Variants in SLC25A21 observed in about 807,000 individuals in gnomAD.
SLC25A21 encodes mitochondrial 2-oxodicarboxylate carrier.
Under a neutral mutation model 43.8 loss-of-function variants are expected in SLC25A21, and 47 were observed. That is an observed-to-expected ratio of 1.07 (90% confidence interval 0.85 to 1.37). SLC25A21 has a LOEUF of 1.37. SLC25A21 is among the 40% of genes most tolerant of loss of function. The pLI, the probability that SLC25A21 is intolerant of heterozygous loss-of-function variation, is 0.00. For missense variants in SLC25A21, 352 were observed against 350.2 expected (o/e 1.00, Z -0.04); for synonymous variants, 131 against 121.3 (o/e 1.08, Z -0.52).
rs371474920 is a variant in SLC25A21, at chr14:37,055,365, G to A, written c.70+116916C>T. Among the ~76,000 whole-genome samples the A allele has an allele frequency of 1.4e-4, 22 of 152,308 alleles. No individual in the cohort carries two copies. The East Asian group carries it at 3.9e-3, about 27-fold the overall frequency. ...AGAAATGTAAATGCTTTGTGGCAGA[G>A]GGCAGCCTGAAGTAGATCATATGTG... On this transcript the variant is annotated intron_variant, in intron 1 of 9. Transcript: ENST00000331299.
intron 1 of SLC25A21, among the ~76,000 whole-genome samples, chr14:37,111,111 T>C (rs189351639): frequency 6.6e-6 from 1 of 152,262 alleles, no homozygotes; most frequent in East Asian, 1.9e-4. Flanking sequence ...TCTTATAAAG[T>C]AAGAAAGGTT....
intron 1 of SLC25A21, among the ~76,000 whole-genome samples, chr14:37,122,837 T>C (rs1323926779): frequency 1.3e-5 from 2 of 152,174 alleles, no homozygotes; most frequent in African/African-American, 4.8e-5. Context: ...ACCAAAATAC[T>C]AAAAATTAAA....
intron 3 of SLC25A21, among the ~76,000 whole-genome samples, chr14:36,757,757 A>C (rs1453979534): frequency 6.6e-6 from 1 of 152,250 alleles, no homozygotes; most frequent in Non-Finnish European, 1.5e-5. Flanking sequence ...ACTGGTGTTC[A>C]TTCTGTTTAC....
intron 1 of SLC25A21, among the ~76,000 whole-genome samples, chr14:37,068,460 T>C (rs1962105335): frequency 6.6e-6 from 1 of 152,324 alleles, no homozygotes; most frequent in South Asian, 2.1e-4. Context: ...ATTAAATGAA[T>C]GTTTTGGAAA....
intron 6 of SLC25A21, among the ~76,000 whole-genome samples, chr14:36,712,367 C>T (rs550528248): frequency 1.1e-4 from 16 of 151,170 alleles, no homozygotes; most frequent in African/African-American, 3.6e-4. Context: ...TTTTTTCCAC[C>T]CATGAGGCAC....
At chr14:36,745,710 A>G (rs1885467551) in intron 3 of SLC25A21, among the ~76,000 whole-genome samples, 1 of 151,902 alleles carries the variant, frequency 6.6e-6, no homozygotes, top group Non-Finnish European at 1.5e-5. Context: ...TTTCTTGTAA[A>G]CTTGTTTAAG....
intron 3 of SLC25A21, among the ~76,000 whole-genome samples, chr14:36,774,918 A>G (rs1048256130): frequency 1.3e-5 from 2 of 152,252 alleles, no homozygotes; most frequent in Non-Finnish European, 2.9e-5. Flanking sequence ...CAAAAAGCTA[A>G]TGTTTCTATT....
At chr14:36,882,162 C>A (rs1424923864) in intron 1 of SLC25A21, among the ~76,000 whole-genome samples, 2 of 152,102 alleles carry the variant, frequency 1.3e-5, no homozygotes, top group African/African-American at 2.4e-5. Flanking sequence ...GCAGGTGGAG[C>A]ACTTGAGGCC....
chr14:37,039,294 G>C lies in SLC25A21; in HGVS notation c.70+132987C>G, dbSNP rs1027090270. Among the ~76,000 whole-genome samples, 5 of 152,104 alleles carry C rather than the reference G, an allele frequency of 3.3e-5. No individual in the cohort carries two copies. In the East Asian group the frequency reaches 9.6e-4, roughly 29 times the overall value. ...GACATGCAACAGACTGCATATATTT[G>C]AAACATACAAATTGAAAAATTTTTT... is the stretch of plus-strand genomic sequence containing the variant. On this transcript the variant is annotated intron_variant, in intron 1 of 9. Transcript: ENST00000331299.
At position 36,772,438 on chromosome 14, in the gene SLC25A21, C is replaced by T. The variant is rs543707214; in HGVS notation, c.204-37865G>A. Among the ~76,000 whole-genome samples, 36 of 152,306 alleles carry T rather than the reference C, an allele frequency of 2.4e-4. No homozygotes were observed. The South Asian group carries it at 2.5e-3, about 11-fold the overall frequency. On this transcript the variant is annotated intron_variant, in intron 3 of 9. Transcript: ENST00000331299. ...TATGCATTTCCAAAGTCTATCTCTT[C>T]CCACACCAAGTCAATGTTTTTGAAA...
chr14:36,765,441 T>C (rs1381133757), intron 3 of SLC25A21, among the ~76,000 whole-genome samples: 1 of 152,162 alleles, frequency 6.6e-6, no homozygotes, highest in Non-Finnish European at 1.5e-5. Context: ...TAAGCCCCAG[T>C]GTTTTGGGGT....
At chr14:36,959,768 T>A (rs936842911) in intron 1 of SLC25A21, among the ~76,000 whole-genome samples, 4 of 152,320 alleles carry the variant, frequency 2.6e-5, no homozygotes. Flanking sequence ...CCATGCTTTT[T>A]TGTAATAATA....
chr14:36,974,437 T>C (rs11156930), intron 1 of SLC25A21, among the ~76,000 whole-genome samples: 15,805 of 152,194 alleles, frequency 0.1, 2,248 homozygotes, highest in African/African-American at 0.32. Flanking sequence ...TAAGAAACAG[T>C]AGGTACACAT....
intron 3 of SLC25A21, among the ~76,000 whole-genome samples, chr14:36,811,085 A>T (rs1307433767): frequency 6.6e-6 from 1 of 152,144 alleles, no homozygotes; most frequent in Non-Finnish European, 1.5e-5. Flanking sequence ...GTGAGAGACC[A>T]GAGTGTGGCA....
At chr14:36,881,861 A>C (rs1042227165) in intron 1 of SLC25A21, among the ~76,000 whole-genome samples, 1 of 152,188 alleles carries the variant, frequency 6.6e-6, no homozygotes, top group African/African-American at 2.4e-5. Flanking sequence ...GGTGACCCAA[A>C]GTAGTAGCCA....
At chr14:37,116,009 T>A (rs1187348440) in intron 1 of SLC25A21, among the ~76,000 whole-genome samples, 1 of 152,170 alleles carries the variant, frequency 6.6e-6, no homozygotes, top group Non-Finnish European at 1.5e-5. Context: ...TATATTTATC[T>A]ATGTAAAACT....
intron 1 of SLC25A21, among the ~76,000 whole-genome samples, chr14:37,066,241 C>T (rs556495366): frequency 6.6e-6 from 1 of 152,178 alleles, no homozygotes; most frequent in South Asian, 2.1e-4. Context: ...CACACAAACC[C>T]CCTATTAGGA....
intron 1 of SLC25A21, among the ~76,000 whole-genome samples, chr14:37,016,640 T>C (rs1960863307): frequency 6.6e-6 from 1 of 152,178 alleles, no homozygotes; most frequent in Middle Eastern, 3.4e-3. Context: ...AGTCAGCTTG[T>C]CCTTTAAGCT....
In SLC25A21 at chr14:36,777,402, G is replaced by C. The variant is rs922991972; in HGVS notation, c.203+36516C>G. ...AGTGGCCCTAAAAAGATACGTCCAA[G>C]TCCTAACTCTTGGTATCTGTGAATG... On this transcript the variant is annotated intron_variant, in intron 3 of 9. Coordinates refer to ENST00000331299, the MANE Select transcript of SLC25A21 (RefSeq NM_030631.4). Among the ~76,000 whole-genome samples the C allele has an allele frequency of 2.6e-5, 4 of 152,174 alleles. 1 individual carries two copies. The South Asian group carries it at 6.2e-4, about 24-fold the overall frequency.
Sources: allele counts gnomAD v4.1 joint callset (sites outside exome capture counted in the v4.1 genomes callset), GRCh38; gene constraint gnomAD v4.1.1; transcripts MANE v1.5; gene names NCBI Gene and HGNC (gene_info 2026-07-23, HGNC 2026-07-21).